MYLK: variants seen among roughly 807,000 people sequenced by gnomAD.
MYLK encodes myosin light chain kinase.
A neutral mutation model predicts 203.4 loss-of-function variants in MYLK; 106 were observed. That is an observed-to-expected ratio of 0.52 (90% CI 0.45 to 0.61). The LOEUF (loss-of-function observed/expected upper bound fraction) is 0.61. Ranked by LOEUF, MYLK falls within the 20% of genes least tolerant of loss-of-function variation. The pLI, the probability that MYLK is intolerant of heterozygous loss-of-function variation, is 0.00. For synonymous variants in MYLK, 867 were observed against 959.5 expected, an observed-to-expected ratio of 0.90 and a Z score of 1.78; for missense variants, 2,072 against 2,442.3, an observed-to-expected ratio of 0.85 and a Z score of 3.20.
intron 27 of MYLK, chr3:123,644,710 A>G (rs2058953299): frequency 1.3e-5 from 2 of 152,236 alleles, no homozygotes; most frequent in African/African-American, 4.8e-5. Flanking sequence ...AAATGTGAAA[A>G]GATGCAGCCC....
At chr3:123,819,442 C>G (rs1560257911) in intron 3 of MYLK, among the ~76,000 whole-genome samples, 1 of 152,180 alleles carries the variant, frequency 6.6e-6, no homozygotes, top group Admixed American at 6.5e-5. Context: ...ATTACTGTTA[C>G]TGTTGTGAAT....
chr3:123,852,586 C>G (rs995681233), intron 2 of MYLK, among the ~76,000 whole-genome samples: 1 of 152,058 alleles, frequency 6.6e-6, no homozygotes, highest in Non-Finnish European at 1.5e-5. Context: ...TCCCCTTTAT[C>G]ATTTTTTATT....
At chr3:123,808,572 A>T (rs2065449410) in intron 3 of MYLK, among the ~76,000 whole-genome samples, 1 of 152,192 alleles carries the variant, frequency 6.6e-6, no homozygotes, top group South Asian at 2.1e-4. Flanking sequence ...GCTACAGGCT[A>T]CACCCCAAGC....
chr3:123,721,763 C>A (rs1173652078), intron 13 of MYLK, among the ~76,000 whole-genome samples: 1 of 150,522 alleles, frequency 6.6e-6, no homozygotes, highest in East Asian at 2.0e-4. Flanking sequence ...CCTGGAGCTT[C>A]TGGAGCTAAG....
chr3:123,754,943 T>C (rs1046598120), intron 4 of MYLK, among the ~76,000 whole-genome samples: 2 of 152,280 alleles, frequency 1.3e-5, no homozygotes, highest in South Asian at 2.1e-4. Flanking sequence ...TGCGCCCATA[T>C]AAAATCATGT....
chr3:123,848,660 C>G (rs1577117475), intron 2 of MYLK, among the ~76,000 whole-genome samples: 1 of 152,184 alleles, frequency 6.6e-6, no homozygotes, highest in Non-Finnish European at 1.5e-5. Context: ...TTGGCACATG[C>G]CTTTTTCAAA....
chr3:123,650,574 G>C (rs2059178171), intron 24 of MYLK, among the ~76,000 whole-genome samples: 1 of 152,120 alleles, frequency 6.6e-6, no homozygotes, highest in Non-Finnish European at 1.5e-5. Flanking sequence ...AATGGGATTG[G>C]AAAGTATATT....
At chr3:123,615,819 T>C (rs1253927123) in intron 33 of MYLK, among the ~76,000 whole-genome samples, 2 of 151,556 alleles carry the variant, frequency 1.3e-5, no homozygotes, top group Admixed American at 1.3e-4. Flanking sequence ...CAGCTAATTT[T>C]CGTATTTTTT....
At chr3:123,743,843 G>T (rs775144998) in intron 5 of MYLK, among the ~76,000 whole-genome samples, 2 of 152,134 alleles carry the variant, frequency 1.3e-5, no homozygotes, top group South Asian at 2.1e-4. Context: ...ATTGAAAGGA[G>T]CCGAAATGCT....
chr3:123,691,489 G>A (rs757946159), intron 19 of MYLK: 4 of 152,110 alleles, frequency 2.6e-5, no homozygotes, highest in South Asian at 2.1e-4. Flanking sequence ...CTTACCTTTC[G>A]GCTATTAACA....
chr3:123,737,237 AG>A, intron 8 of MYLK, 140 bp downstream of exon 8: 3 of 964,976 alleles, frequency 3.1e-6, no homozygotes, highest in Non-Finnish European at 4.7e-6. Flanking sequence ...AAAAAAAAAA[AG>A]ACCTGCCCCT....
chr3:123,755,859 G>A (rs998791454), intron 4 of MYLK, among the ~76,000 whole-genome samples: 12 of 152,150 alleles, frequency 7.9e-5, no homozygotes, highest in Non-Finnish European at 1.8e-4. Context: ...GACTCTTGCA[G>A]CTATGACGGA....
chr3:123,878,595 T>C (rs565013496), intron 1 of MYLK, among the ~76,000 whole-genome samples: 1 of 152,312 alleles, frequency 6.6e-6, no homozygotes, highest in African/African-American at 2.4e-5. Flanking sequence ...TATCCATTCT[T>C]CCTGCCTATG....
intron 3 of MYLK, among the ~76,000 whole-genome samples, chr3:123,796,059 CT>C (rs1466678177): frequency 2.6e-5 from 4 of 152,160 alleles, no homozygotes; most frequent in African/African-American, 9.7e-5. Context: ...AAGATATTAG[CT>C]TTGCAAACAA....
At chr3:123,737,264 G>T in intron 8 of MYLK, 114 bp downstream of exon 8, 2 of 1,293,864 alleles carry the variant, frequency 1.5e-6, no homozygotes, top group Non-Finnish European at 2.2e-6. Flanking sequence ...GTGCCTGGGT[G>T]TGTGAGTGGG....
chr3:123,843,990 T>G (rs1467641852), intron 2 of MYLK, among the ~76,000 whole-genome samples: 1 of 152,182 alleles, frequency 6.6e-6, no homozygotes, highest in African/African-American at 2.4e-5. Context: ...GAGACCTCTC[T>G]TAAAAGGCAT....
chr3:123,795,350 G>C (rs2064947814), intron 3 of MYLK, among the ~76,000 whole-genome samples: 1 of 152,186 alleles, frequency 6.6e-6, no homozygotes, highest in Non-Finnish European at 1.5e-5. Flanking sequence ...ATGATGCCCG[G>C]TGATGAGTCT....
chr3:123,827,381 A>G (rs563373266), intron 3 of MYLK, among the ~76,000 whole-genome samples: 1 of 152,092 alleles, frequency 6.6e-6, no homozygotes, highest in Non-Finnish European at 1.5e-5. Context: ...TCAAAGACAA[A>G]GAAAGAATTT....
At chr3:123,618,519 T>C in intron 33 of MYLK, 120 bp downstream of exon 33, 1 of 1,397,608 alleles carries the variant, frequency 7.2e-7, no homozygotes, top group Non-Finnish European at 1.0e-6. Context: ...CCCCAAAGCT[T>C]GGCAGTTCCT....
Sources: allele counts gnomAD v4.1 joint callset (sites outside exome capture counted in the v4.1 genomes callset), GRCh38; gene constraint gnomAD v4.1.1; transcripts MANE v1.5; gene names NCBI Gene and HGNC (gene_info 2026-07-23, HGNC 2026-07-21).